The following SELENOF variants were observed in gnomAD, a reference collection of about 807,000 sequenced individuals.
SELENOF encodes 15 kDa selenoprotein.
SELENOF carries 16 observed loss-of-function variants against 20.5 expected under a neutral mutation model. The ratio of observed to expected loss-of-function variants is 0.78; its 90% confidence interval spans 0.53 to 1.19. The LOEUF is 1.19. Ranked by LOEUF, SELENOF falls within the 50% of genes most tolerant of loss-of-function variation. The pLI is 0.00. For missense variants in SELENOF, 215 were observed against 194.2 expected, an observed-to-expected ratio of 1.11 and a Z score of -0.64; for synonymous variants, 78 against 74.5, an observed-to-expected ratio of 1.05 and a Z score of -0.24.
intron 2 of SELENOF, among the ~76,000 whole-genome samples, chr1:86,883,988 C>T (rs1009694326): frequency 3.3e-5 from 5 of 152,122 alleles, no homozygotes; most frequent in African/African-American, 9.7e-5. Flanking sequence ...TTGATTTCCT[C>T]GTCTCAGGTA....
At chr1:86,903,521 G>T in intron 1 of SELENOF, 73 bp from the exon 2 acceptor site, 1 of 1,202,432 alleles carries the variant, frequency 8.3e-7, no homozygotes, top group South Asian at 1.9e-5. Context: ...AGAGAACACG[G>T]GGTTGTCAAA....
chr1:86,899,610 C>CCCAGACGGGGCGGCTGG (rs1437702958), intron 2 of SELENOF, among the ~76,000 whole-genome samples: 1 of 151,160 alleles, frequency 6.6e-6, no homozygotes, highest in Non-Finnish European at 1.5e-5. Context: ...CAACCTCCCT[C>CCCAGACGGGGCGGCTGG]CCAGACGGGG....
chr1:86,873,848 G>A (rs537835492), intron 3 of SELENOF, among the ~76,000 whole-genome samples: 16 of 74,544 alleles, frequency 2.1e-4, no homozygotes, highest in African/African-American at 9.3e-4. Context: ...GTGAAACTCC[G>A]TCTCAAAAAA....
intron 4 of SELENOF, among the ~76,000 whole-genome samples, chr1:86,866,524 A>C (rs1024713305): frequency 2.0e-5 from 3 of 152,118 alleles, no homozygotes; most frequent in Non-Finnish European, 4.4e-5. Context: ...CACAAGATGA[A>C]AAAGTTATAG....
At chr1:86,877,817 T>C (rs1175329550) in intron 3 of SELENOF, among the ~76,000 whole-genome samples, 1 of 152,314 alleles carries the variant, frequency 6.6e-6, no homozygotes, top group East Asian at 1.9e-4. Context: ...GAACTGTCTA[T>C]GGCTGCTTCC....
At chr1:86,899,851 G>A (rs1294958552) in intron 2 of SELENOF, among the ~76,000 whole-genome samples, 2 of 147,824 alleles carry the variant, frequency 1.4e-5, no homozygotes, top group Non-Finnish European at 3.0e-5. Context: ...GCCAGGCGGA[G>A]GGTCTCCTCC....
At chr1:86,907,488 C>T (rs76084811) in intron 1 of SELENOF, among the ~76,000 whole-genome samples, 4,797 of 152,210 alleles carry the variant, frequency 0.032, 103 homozygotes, top group Middle Eastern at 0.071. Flanking sequence ...CAGATAAATG[C>T]TAATATATGA....
chr1:86,869,223 T>C (rs527465361), intron 3 of SELENOF, among the ~76,000 whole-genome samples: 2 of 152,306 alleles, frequency 1.3e-5, no homozygotes, highest in African/African-American at 4.8e-5. Flanking sequence ...TTTGTAAACC[T>C]GCAAGTACAC....
chr1:86,913,912 C>T (rs758183750), intron 1 of SELENOF, 116 bp downstream of exon 1: 3 of 946,664 alleles, frequency 3.2e-6, no homozygotes, highest in Admixed American at 2.0e-5. Context: ...CCGCAGCAGT[C>T]ATTAAGGAAG....
chr1:86,903,499 AGCTTTCC>A, intron 1 of SELENOF, 51 bp from the exon 2 acceptor site: 1 of 1,409,192 alleles, frequency 7.1e-7, no homozygotes, highest in Admixed American at 2.8e-5. Flanking sequence ...TATACTACAA[AGCTTTCC>A]AAAAAGAGAA....
chr1:86,912,673 G>A (rs569740810), intron 1 of SELENOF, among the ~76,000 whole-genome samples: 5 of 152,322 alleles, frequency 3.3e-5, no homozygotes, highest in Admixed American at 2.6e-4. Context: ...ACACGGAACA[G>A]AACCAAGTCC....
intron 2 of SELENOF, among the ~76,000 whole-genome samples, chr1:86,885,425 A>T (rs894889823): frequency 6.6e-6 from 1 of 152,186 alleles, no homozygotes; most frequent in Non-Finnish European, 1.5e-5. Context: ...GTTCATTTAT[A>T]ACACTGAACA....
chr1:86,907,515 C>T (rs1659861110), intron 1 of SELENOF, among the ~76,000 whole-genome samples: 1 of 152,124 alleles, frequency 6.6e-6, no homozygotes, highest in African/African-American at 2.4e-5. Context: ...GATATTATTC[C>T]TGCCATCCTT....
rs1660071362 is a variant in SELENOF, at chr1:86,914,105, C to G, written c.7G>C (p.Ala3Pro). MV[A>P]MAAGPSGCLV... Reference sequence around the variant, plus strand: ...CACCCACTCGGCCCAGCCGCCATCGCTACCATTTTCCGCAGGTTTCTGGCT... The same window carrying G: ...CACCCACTCGGCCCAGCCGCCATCGGTACCATTTTCCGCAGGTTTCTGGCT... Residue 3 changes from alanine to proline, a missense_variant, in exon 1 of 5, where the codon GCG (alanine) becomes CCG (proline). Transcript: ENST00000331835. The G allele has an allele frequency of 6.2e-7, 1 of 1,614,012 alleles. No homozygotes were observed. The highest frequency in any genetic ancestry group is 8.5e-7 in the Non-Finnish European group (1 of 1,179,900).
chr1:86,899,721 G>A (rs1659634529), intron 2 of SELENOF, among the ~76,000 whole-genome samples: 1 of 151,856 alleles, frequency 6.6e-6, no homozygotes, highest in South Asian at 2.1e-4. Flanking sequence ...CAGGGCGGCT[G>A]CTGGGCGGAG....
chr1:86,875,172 T>C (rs1430163651), intron 3 of SELENOF, among the ~76,000 whole-genome samples: 1 of 148,474 alleles, frequency 6.7e-6, no homozygotes, highest in Non-Finnish European at 1.5e-5. Flanking sequence ...ACCTGGGAGG[T>C]GGAGGTTGCA....
chr1:86,886,599 C>T (rs1201911495), intron 2 of SELENOF, among the ~76,000 whole-genome samples: 1 of 151,942 alleles, frequency 6.6e-6, no homozygotes, highest in Non-Finnish European at 1.5e-5. Context: ...GGTTTTTATC[C>T]TCCTAAAGTG....
chr1:86,909,044 C>G (rs1301595997), intron 1 of SELENOF, among the ~76,000 whole-genome samples: 1 of 152,208 alleles, frequency 6.6e-6, no homozygotes, highest in Non-Finnish European at 1.5e-5. Context: ...TATCAATTAA[C>G]AAAACACGAG....
chr1:86,898,016 G>T lies in SELENOF; in HGVS notation c.252+5265C>A, dbSNP rs550228328. 8.7e-4 allele frequency among the ~76,000 whole-genome samples: 132 copies of T among 152,270 alleles called. 3 individuals carry two copies. The South Asian group carries it at 0.026, about 30-fold the overall frequency. On this transcript the variant is annotated intron_variant, in intron 2 of 4. Transcript: ENST00000331835. Reference sequence around the variant, plus strand: ...TTCTAAAGATTCAATATATAAAGCTGAAGTCACTTATATTCCTTAGTAAAT... The same window carrying T: ...TTCTAAAGATTCAATATATAAAGCTTAAGTCACTTATATTCCTTAGTAAAT...
Sources: allele counts gnomAD v4.1 joint callset (sites outside exome capture counted in the v4.1 genomes callset), GRCh38; gene constraint gnomAD v4.1.1; transcripts MANE v1.5; gene names NCBI Gene and HGNC (gene_info 2026-07-23, HGNC 2026-07-21).